Variants in ZNF280D observed in about 807,000 individuals in gnomAD.
ZNF280D encodes the protein suppressor of hairy wing homolog 4.
In ZNF280D, 39 loss-of-function variants were observed where a neutral mutation model predicts 94.7. The ratio of observed to expected loss-of-function variants is 0.41; its 90% CI spans 0.32 to 0.54. The LOEUF is 0.54. Ranked by LOEUF, ZNF280D falls within the 20% of genes least tolerant of loss-of-function variation. The probability of loss-of-function intolerance (pLI) is 0.22; values close to 1 mark genes in which losing one functional copy is unlikely to be tolerated. For missense variants in ZNF280D, 1,090 were observed against 1,149.3 expected (o/e 0.95, Z 0.75); for synonymous variants, 398 against 377.6 (o/e 1.05, Z -0.63).
At chr15:56,725,772 A>G (rs2058599761) in intron 1 of ZNF280D, among the ~76,000 whole-genome samples, 1 of 152,166 alleles carries the variant, frequency 6.6e-6, no homozygotes. Flanking sequence ...ACCAATCCAA[A>G]AAGTAAAGCA....
intron 20 of ZNF280D, among the ~76,000 whole-genome samples, chr15:56,641,286 A>T (rs918143341): frequency 9.2e-5 from 14 of 151,988 alleles, no homozygotes; most frequent in Non-Finnish European, 5.9e-5. Flanking sequence ...GTAGCTTTAT[A>T]TTAGTCATGT....
intron 6 of ZNF280D, among the ~76,000 whole-genome samples, chr15:56,693,561 A>G (rs1490517400): frequency 6.6e-6 from 1 of 152,082 alleles, no homozygotes; most frequent in Non-Finnish European, 1.5e-5. Context: ...CAACTTATAT[A>G]TCAGTAAGAT....
At chr15:56,662,364 C>T (rs1318733927) in intron 16 of ZNF280D, among the ~76,000 whole-genome samples, 1 of 152,144 alleles carries the variant, frequency 6.6e-6, no homozygotes, top group African/African-American at 2.4e-5. Context: ...AATACTCCAA[C>T]TGCTTCAAGA....
intron 13 of ZNF280D, among the ~76,000 whole-genome samples, chr15:56,675,959 C>A (rs1280680926): frequency 1.3e-5 from 2 of 151,780 alleles, no homozygotes; most frequent in African/African-American, 2.4e-5. Flanking sequence ...AAATTTTTAG[C>A]CCAAATAAAA....
chr15:56,664,787 G>A (rs527663226), intron 16 of ZNF280D, among the ~76,000 whole-genome samples: 2 of 152,250 alleles, frequency 1.3e-5, no homozygotes, highest in East Asian at 3.9e-4. Flanking sequence ...TGAGCACAGA[G>A]GAAGTTCAAA....
chr15:56,700,201 G>A, intron 6 of ZNF280D: 1 of 970,316 alleles, frequency 1.0e-6, no homozygotes, highest in South Asian at 4.8e-5. Context: ...CAACATATAT[G>A]TATGTATGTG....
chr15:56,639,447 A>T (rs1252479383), intron 20 of ZNF280D, among the ~76,000 whole-genome samples: 1 of 152,142 alleles, frequency 6.6e-6, no homozygotes, highest in Non-Finnish European at 1.5e-5. Flanking sequence ...TCCAAACTCC[A>T]AAGGTTTGTC....
chr15:56,713,914 A>T (rs773729678), intron 1 of ZNF280D, among the ~76,000 whole-genome samples: 6 of 152,214 alleles, frequency 3.9e-5, no homozygotes, highest in Non-Finnish European at 8.8e-5. Flanking sequence ...TATAAGACAA[A>T]TCTGTGTGAT....
chr15:56,708,953 G>C (rs147890854), intron 1 of ZNF280D, among the ~76,000 whole-genome samples: 26,609 of 151,984 alleles, frequency 0.18, 2,490 homozygotes, highest in Admixed American at 0.22. Flanking sequence ...CATGGGCAAG[G>C]ACTTCATGTC....
At chr15:56,721,715 C>A (rs1430628093) in intron 1 of ZNF280D, among the ~76,000 whole-genome samples, 1 of 152,186 alleles carries the variant, frequency 6.6e-6, no homozygotes, top group Non-Finnish European at 1.5e-5. Flanking sequence ...GTCTTGACCT[C>A]GAGCCTTTGG....
chr15:56,715,533 G>GT (rs2057993852), intron 1 of ZNF280D, among the ~76,000 whole-genome samples: 2 of 152,198 alleles, frequency 1.3e-5, no homozygotes, highest in South Asian at 4.1e-4. Flanking sequence ...GCTATACTGT[G>GT]TGCAGATTCA....
Position 56,631,694 on chromosome 15 carries a change from C to T in ZNF280D, c.2744G>A (p.Ser915Asn), listed in dbSNP as rs753552201. The change falls in exon 22 of 22, where the codon AGT (serine) becomes AAT (asparagine). Residue 915 changes from serine to asparagine, a missense_variant. By Grantham distance (46) the Ser-to-Asn change is conservative. Coordinates refer to ENST00000267807, the MANE Select transcript of ZNF280D (RefSeq NM_017661.4). ...TGGAGTCAGAGGTTCCAAATGAATACTGCCTTGCTCGCTAACATCAGAACT... is the reference window on the plus strand; with the variant it reads ...TGGAGTCAGAGGTTCCAAATGAATATTGCCTTGCTCGCTAACATCAGAACT... ...SVSSDVSEQGSIHLEPLTPSE... is the reference protein window; with the variant it reads ...SVSSDVSEQGNIHLEPLTPSE... 13 of 1,614,162 alleles carry T rather than the reference C, an allele frequency of 8.1e-6. No homozygotes were observed. Among genetic ancestry groups the T allele is most frequent in the South Asian group, 7.7e-5 (7 of 91,078 alleles).
intron 13 of ZNF280D, among the ~76,000 whole-genome samples, chr15:56,670,088 A>G (rs1487685617): frequency 9.1e-6 from 1 of 109,682 alleles, no homozygotes; most frequent in African/African-American, 3.5e-5. Context: ...ATATATACAC[A>G]TGCACACACA....
At chr15:56,646,383 C>G (rs756142736) in intron 19 of ZNF280D, among the ~76,000 whole-genome samples, 1 of 152,110 alleles carries the variant, frequency 6.6e-6, no homozygotes, top group East Asian at 1.9e-4. Flanking sequence ...TGAGCCATGA[C>G]TGCACACTGC....
At chr15:56,724,274 C>T (rs2058522502) in intron 1 of ZNF280D, among the ~76,000 whole-genome samples, 1 of 152,188 alleles carries the variant, frequency 6.6e-6, no homozygotes, top group South Asian at 2.1e-4. Context: ...CCCAAATTAA[C>T]AATTTACTAA....
intron 19 of ZNF280D, chr15:56,653,368 C>T (rs2053323431): frequency 7.8e-7 from 1 of 1,289,514 alleles, no homozygotes; most frequent in Non-Finnish European, 9.8e-7. Flanking sequence ...ATTTGGTGGG[C>T]CTTAAAGCCA....
chr15:56,690,067 T>C (rs1417350296), intron 7 of ZNF280D, among the ~76,000 whole-genome samples: 4 of 152,174 alleles, frequency 2.6e-5, no homozygotes, highest in Non-Finnish European at 5.9e-5. Context: ...TCTTGAATGA[T>C]AACACTTCAT....
chr15:56,705,135 T>A (rs2057329434), intron 3 of ZNF280D, among the ~76,000 whole-genome samples: 1 of 152,192 alleles, frequency 6.6e-6, no homozygotes, highest in African/African-American at 2.4e-5. Flanking sequence ...TGTTATAGTA[T>A]AGTCCATCTA....
chr15:56,688,413 C>A (rs1179676259), intron 9 of ZNF280D, among the ~76,000 whole-genome samples: 2 of 149,478 alleles, frequency 1.3e-5, no homozygotes, highest in Non-Finnish European at 3.0e-5. Flanking sequence ...ATGGCGTGAA[C>A]CTGGGAGGTG....
Sources: allele counts gnomAD v4.1 joint callset (sites outside exome capture counted in the v4.1 genomes callset), GRCh38; gene constraint gnomAD v4.1.1; transcripts MANE v1.5; gene names NCBI Gene and HGNC (gene_info 2026-07-23, HGNC 2026-07-21).